ATF6: variants seen among roughly 807,000 people sequenced by gnomAD.
ATF6 encodes the protein cyclic AMP-dependent transcription factor ATF-6 alpha.
ATF6 carries 53 observed loss-of-function variants against 83.6 expected under a neutral mutation model. The observed-to-expected ratio is 0.63, with a 90% CI of 0.51 to 0.80. The LOEUF (loss-of-function observed/expected upper bound fraction) is 0.80. ATF6 is among the 30% of genes least tolerant of loss of function. ATF6 has a pLI of 0.00. For synonymous variants in ATF6, 288 were observed against 285.8 expected, an observed-to-expected ratio of 1.01 and a Z score of -0.08; for missense variants, 744 against 797.9, an observed-to-expected ratio of 0.93 and a Z score of 0.81.
At chr1:161,934,106 A>G (rs777470964) in intron 15 of ATF6, among the ~76,000 whole-genome samples, 25 of 152,194 alleles carry the variant, frequency 1.6e-4, no homozygotes, top group Admixed American at 9.2e-4. Context: ...GGGGGCCACA[A>G]TTAGGAACTT....
intron 15 of ATF6, among the ~76,000 whole-genome samples, chr1:161,949,352 T>C (rs1055627522): frequency 6.6e-6 from 1 of 152,200 alleles, no homozygotes; most frequent in African/African-American, 2.4e-5. Context: ...TGATTACTGC[T>C]AGGAGTGTGT....
In ATF6 at chr1:161,863,278, G is replaced by C; in HGVS notation, c.1685G>C (p.Arg562Thr). ...YQDFFEAIRR[R>T]GDTFYVVSFR... ...GACTTTTTTGAAGCCATCCGCAGAA[G>C]GGGAGACACATTTTATGTTGTGTCA... Residue 562 changes from arginine (R) to threonine (T), a missense_variant, in exon 14 of 16, where the codon AGG becomes ACG. Physicochemically the swap from Arg to Thr is moderately conservative, Grantham distance 71 (BLOSUM62 -1). Coordinates refer to ENST00000367942, the MANE Select transcript of ATF6 (RefSeq NM_007348.4). 1 of 1,612,614 alleles carries C rather than the reference G, an allele frequency of 6.2e-7. No homozygotes were observed. The highest frequency in any genetic ancestry group is 8.5e-7 in the Non-Finnish European group (1 of 1,178,738).
At chr1:161,892,628 C>CTTTTTTTTTTTTTTTTTTTTTTT (rs773642361) in intron 14 of ATF6, among the ~76,000 whole-genome samples, 1 of 124,716 alleles carries the variant, frequency 8.0e-6, no homozygotes, top group African/African-American at 3.1e-5. Flanking sequence ...ACAGGTCATT[C>CTTTTTTTTTTTTTTTTTTTTTTT]TTTTTTTTTT....
At position 161,889,379 on chromosome 1, in the gene ATF6, G is replaced by A. The variant is rs112038170; in HGVS notation, c.1720-22917G>A. On this transcript the variant is annotated intron_variant, in intron 14 of 15. Coordinates refer to ENST00000367942, the MANE Select transcript of ATF6 (RefSeq NM_007348.4). ...ACTGAAGTCAACTTCTCCCTCTGCT[G>A]TCGCTTCCCTTCCACAGGTGTTTAT... 2.2e-3 allele frequency among the ~76,000 whole-genome samples: 329 copies of A among 152,320 alleles called. 2 individuals are homozygous for A. Among genetic ancestry groups the A allele is most frequent in the African/African-American group, 7.3e-3 (305 of 41,578 alleles).
intron 6 of ATF6, among the ~76,000 whole-genome samples, chr1:161,792,651 G>A (rs1379980472): frequency 6.6e-6 from 1 of 152,110 alleles, no homozygotes; most frequent in Non-Finnish European, 1.5e-5. Context: ...GATTTTTGTG[G>A]CTGTGAACTT....
At chr1:161,940,658 A>G (rs1688624083) in intron 15 of ATF6, among the ~76,000 whole-genome samples, 1 of 150,156 alleles carries the variant, frequency 6.7e-6, no homozygotes. Flanking sequence ...TCCCGGGTTC[A>G]AGCGATTCTT....
intron 9 of ATF6, among the ~76,000 whole-genome samples, chr1:161,822,722 T>C (rs183061181): frequency 3.9e-5 from 6 of 152,272 alleles, no homozygotes; most frequent in Non-Finnish European, 8.8e-5. Flanking sequence ...GAAAGGTACA[T>C]GATATCATGA....
chr1:161,853,787 GT>G (rs1230119072), intron 12 of ATF6, among the ~76,000 whole-genome samples: 1 of 152,198 alleles, frequency 6.6e-6, no homozygotes, highest in Admixed American at 6.5e-5. Context: ...CTTAGAATCT[GT>G]TAAGTGGGGG....
At chr1:161,952,524 ACT>A (rs1441040601) in intron 15 of ATF6, among the ~76,000 whole-genome samples, 2 of 149,110 alleles carry the variant, frequency 1.3e-5, no homozygotes, top group Non-Finnish European at 3.0e-5. Context: ...CCACCCTCTC[ACT>A]CTCTTTTTTT....
At chr1:161,779,615 CAG>C (rs1429170914) in intron 2 of ATF6, among the ~76,000 whole-genome samples, 2 of 152,192 alleles carry the variant, frequency 1.3e-5, no homozygotes, top group African/African-American at 2.4e-5. Flanking sequence ...AAGATTGAGT[CAG>C]AAGTTTCCTC....
intron 2 of ATF6, among the ~76,000 whole-genome samples, chr1:161,780,396 C>T (rs1280117014): frequency 3.3e-5 from 5 of 150,458 alleles, no homozygotes; most frequent in South Asian, 2.1e-4. Context: ...TTTTTTGAGA[C>T]GGAGTCTTGC....
chr1:161,773,045 G>GT (rs1411845388), intron 1 of ATF6, among the ~76,000 whole-genome samples: 2 of 137,856 alleles, frequency 1.5e-5, no homozygotes, highest in East Asian at 4.3e-4. Flanking sequence ...TTGGCTCACT[G>GT]TAACCTCCAC....
intron 15 of ATF6, among the ~76,000 whole-genome samples, chr1:161,921,124 T>C (rs1029020096): frequency 9.9e-5 from 15 of 152,148 alleles, no homozygotes; most frequent in African/African-American, 3.6e-4. Flanking sequence ...AGTCAACAAC[T>C]TAAGAGCAGC....
intron 9 of ATF6, among the ~76,000 whole-genome samples, chr1:161,838,561 T>C (rs999473580): frequency 2.0e-5 from 3 of 152,296 alleles, no homozygotes; most frequent in Admixed American, 6.5e-5. Context: ...GACCTGAGCC[T>C]GGGATGTGGG....
Position 161,766,424 on chromosome 1 carries a change from A to G in ATF6, c.64A>G (p.Arg22Gly). Residue 22 changes from arginine to glycine, a missense_variant, in exon 1 of 16, where the codon AGG becomes GGG. Coordinates refer to ENST00000367942, the MANE Select transcript of ATF6 (RefSeq NM_007348.4). Reference sequence around the variant, plus strand: ...ACCTTTTAGCCCGGGACTCTTTCACAGGCTGGATGAAGATTGGGGTGAGTG... The same window carrying G: ...ACCTTTTAGCCCGGGACTCTTTCACGGGCTGGATGAAGATTGGGGTGAGTG... ...ESPFSPGLFHRLDEDWDSALF... is the reference protein window; with the variant it reads ...ESPFSPGLFHGLDEDWDSALF... The G allele has an allele frequency of 6.2e-7, 1 of 1,613,262 alleles. No homozygotes were observed. Among genetic ancestry groups the G allele is most frequent in the Non-Finnish European group, 8.5e-7 (1 of 1,179,606 alleles).
chr1:161,846,491 C>A lies in ATF6; in HGVS notation c.1230C>A (p.Ser410Arg). 1.2e-6 allele frequency: 2 copies of A among 1,610,888 alleles called. No homozygotes were observed. Among genetic ancestry groups the A allele is most frequent in the South Asian group, 2.2e-5 (2 of 90,914 alleles). ...CCAGGAGAATGAACCCTAGTGTGAG[C>A]CCTGCAAATCAAAGGAGGCACCTTC... ...QDSRRMNPSV[S>R]PANQRRHLLG... The change falls in exon 10 of 16, where the codon AGC (serine) becomes AGA (arginine). Residue 410 changes from serine (S) to arginine (R), a missense_variant. Coordinates refer to ENST00000367942, the MANE Select transcript of ATF6 (RefSeq NM_007348.4).
chr1:161,932,240 G>T (rs918830821), intron 15 of ATF6, among the ~76,000 whole-genome samples: 1 of 152,082 alleles, frequency 6.6e-6, no homozygotes, highest in Non-Finnish European at 1.5e-5. Context: ...TTTATGTGGG[G>T]TGTTTGTATT....
Position 161,766,330 on chromosome 1 carries a change from C to G in ATF6, c.-31C>G. ...TGCCGCCGCCGTCCCAGATATTAAT[C>G]ACGGAGTTCCAGGGAGAAGGAACTT... On this transcript the variant is annotated 5_prime_UTR_variant, in exon 1 of 16. The change creates a new upstream start codon in the 5' untranslated region. Transcript: ENST00000367942. The G allele has an allele frequency of 6.2e-7, 1 of 1,602,162 alleles. No individual in the cohort carries two copies. Among genetic ancestry groups the G allele is most frequent in the Non-Finnish European group, 8.5e-7 (1 of 1,170,390 alleles).
At chr1:161,824,715 T>C (rs2101790463) in intron 9 of ATF6, among the ~76,000 whole-genome samples, 1 of 152,364 alleles carries the variant, frequency 6.6e-6, no homozygotes, top group South Asian at 2.1e-4. Flanking sequence ...CTCAAAAAAC[T>C]GTGTGTTCTT....
Sources: gnomAD v4.1 joint callset for allele counts (sites outside exome capture counted in the v4.1 genomes callset) on GRCh38, gnomAD v4.1.1 for gene constraint, MANE v1.5 for transcripts, NCBI Gene and HGNC (gene_info 2026-07-23, HGNC 2026-07-21) for gene names.